The following DTNBP1 variants were observed in gnomAD, a reference collection of about 807,000 sequenced individuals.
The protein encoded by DTNBP1 is dysbindin.
In DTNBP1, 35 loss-of-function variants were observed where a neutral mutation model predicts 42.8. The observed-to-expected ratio is 0.82, with a 90% CI of 0.63 to 1.09. The LOEUF (loss-of-function observed/expected upper bound fraction) is 1.09, where lower values mean the gene tolerates loss of function less well. Ranked by LOEUF, DTNBP1 falls within the 50% of genes least tolerant of loss-of-function variation. The probability of loss-of-function intolerance (pLI) is 0.00; values close to 1 mark genes in which losing one functional copy is unlikely to be tolerated. For missense variants in DTNBP1, 457 were observed against 424.2 expected (o/e 1.08, Z -0.68); for synonymous variants, 171 against 162.2 (o/e 1.05, Z -0.41).
chr6:15,535,930 AT>A (rs1341229473), intron 7 of DTNBP1, among the ~76,000 whole-genome samples: 4 of 152,244 alleles, frequency 2.6e-5, no homozygotes, highest in African/African-American at 9.6e-5. Flanking sequence ...CACTCATGCT[AT>A]GCTTTAGCAG....
intron 8 of DTNBP1, among the ~76,000 whole-genome samples, chr6:15,531,165 G>A (rs894170220): frequency 1.3e-5 from 2 of 152,212 alleles, no homozygotes; most frequent in South Asian, 4.1e-4. Flanking sequence ...CCAGCATGCT[G>A]ATCTTGGATC....
chr6:15,583,615 T>C (rs976512756), intron 7 of DTNBP1, among the ~76,000 whole-genome samples: 2 of 152,228 alleles, frequency 1.3e-5, no homozygotes, highest in East Asian at 3.8e-4. Context: ...CAAAGATTTC[T>C]TTTTGTGGTT....
chr6:15,660,255 CAT>C (rs1240626387), intron 1 of DTNBP1: 55 of 852,556 alleles, frequency 6.5e-5, no homozygotes, highest in South Asian at 2.2e-4. Flanking sequence ...ATAATAAACA[CAT>C]GTGTGCTGTG....
At chr6:15,632,525 A>ACAAACTTACCATCTACCCAT (rs2113754530) in intron 4 of DTNBP1, among the ~76,000 whole-genome samples, 1 of 152,310 alleles carries the variant, frequency 6.6e-6, no homozygotes, top group East Asian at 1.9e-4. Context: ...ATCTACCCAA[A>ACAAACTTACCATCTACCCAT]ACAACTCGCA....
chr6:15,598,543 A>C (rs1221823487), intron 6 of DTNBP1, among the ~76,000 whole-genome samples: 2 of 152,170 alleles, frequency 1.3e-5, no homozygotes, highest in East Asian at 3.8e-4. Flanking sequence ...TGATGGACAG[A>C]ACCTATTACT....
chr6:15,610,693 T>C (rs1426087406), intron 6 of DTNBP1, among the ~76,000 whole-genome samples: 1 of 152,356 alleles, frequency 6.6e-6, no homozygotes, highest in South Asian at 2.1e-4. Flanking sequence ...GTATTGCTTA[T>C]ATGGAGAAAG....
In DTNBP1 at chr6:15,524,550, T is replaced by A; in HGVS notation, c.787A>T (p.Asn263Tyr). The A allele has an allele frequency of 1.9e-6, 3 of 1,609,828 alleles. No homozygotes were observed. Among genetic ancestry groups the A allele is most frequent in the Non-Finnish European group, 2.5e-6 (3 of 1,177,414 alleles). ...CCTAAGGCGGGGGACAGCACAGTGT[T>A]CTCTTCTCCTCCAGAGTTCAGGAAG... ...DVFLNSGGEE[N>Y]TVLSPALGPE... Residue 263 changes from asparagine (N) to tyrosine (Y), a missense_variant, in exon 9 of 10, where the codon AAC (asparagine) becomes TAC (tyrosine). By Grantham distance (143) the Asn-to-Tyr change is moderately radical (BLOSUM62 -2). Coordinates refer to ENST00000344537, the MANE Select transcript of DTNBP1 (RefSeq NM_032122.5).
At position 15,637,791 on chromosome 6, in the gene DTNBP1, A is replaced by G; in HGVS notation, c.175T>C (p.Trp59Arg). ...LELLSRYEDTWAALHRRAKDC... is the reference protein window; with the variant it reads ...LELLSRYEDTRAALHRRAKDC... The stretch of plus-strand genomic sequence containing the variant: ...TTGGCTCTTCTGTGAAGTGCAGCCC[A>G]TGTATCCTCATACCTAAAAAAAAGC... The change falls in exon 4 of 10, where the codon TGG (tryptophan) becomes CGG (arginine). Residue 59 changes from tryptophan to arginine, a missense_variant. Transcript: ENST00000344537. 6.2e-7 allele frequency: 1 copy of G among 1,613,494 alleles called. No individual in the cohort carries two copies. The highest frequency in any genetic ancestry group is 8.5e-7 in the Non-Finnish European group (1 of 1,180,004).
At chr6:15,581,746 T>G (rs1296601108) in intron 7 of DTNBP1, among the ~76,000 whole-genome samples, 2 of 152,208 alleles carry the variant, frequency 1.3e-5, no homozygotes, top group Non-Finnish European at 2.9e-5. Flanking sequence ...CCAAAAGTGT[T>G]GGGATTACAG....
At chr6:15,574,456 G>A (rs1015609152) in intron 7 of DTNBP1, among the ~76,000 whole-genome samples, 2 of 152,234 alleles carry the variant, frequency 1.3e-5, no homozygotes, top group Admixed American at 6.5e-5. Context: ...ACTATCACAC[G>A]AGGGAGCTGT....
rs1485955359 is a variant in DTNBP1, at chr6:15,663,010, G to C, written c.-141C>G. ...CGGCCCCGCCCCCGGTCTGGTCCTC[G>C]CCGCCGCGCCGCAACCCCAGCCCCT... is the stretch of plus-strand genomic sequence containing the variant. On this transcript the variant is annotated 5_prime_UTR_variant, in exon 1 of 10. Coordinates refer to ENST00000344537, the MANE Select transcript of DTNBP1 (RefSeq NM_032122.5). The C allele has an allele frequency of 1.2e-5, 14 of 1,202,478 alleles. No individual in the cohort carries two copies. The highest frequency in any genetic ancestry group is 4.7e-5 in the African/African-American group (3 of 64,268). 74.5% of individuals were successfully genotyped at this position (1,202,478 alleles called of 1,614,324 possible).
At chr6:15,550,769 A>G (rs1436443266) in intron 7 of DTNBP1, among the ~76,000 whole-genome samples, 2 of 152,138 alleles carry the variant, frequency 1.3e-5, no homozygotes, top group African/African-American at 4.8e-5. Context: ...AGCTAATGAG[A>G]TGGGGATGAG....
At chr6:15,615,008 G>A (rs571920932) in intron 6 of DTNBP1, 7 of 559,312 alleles carry the variant, frequency 1.3e-5, no homozygotes, top group Non-Finnish European at 2.0e-5. Context: ...TATTTTGCTG[G>A]AAAACTTTGC....
At chr6:15,629,800 T>C (rs957906330) in intron 4 of DTNBP1, among the ~76,000 whole-genome samples, 4 of 152,148 alleles carry the variant, frequency 2.6e-5, no homozygotes, top group African/African-American at 9.7e-5. Context: ...ACAGTGGACT[T>C]AGATTCCATC....
At chr6:15,576,012 G>A (rs752112110) in intron 7 of DTNBP1, among the ~76,000 whole-genome samples, 4 of 152,200 alleles carry the variant, frequency 2.6e-5, no homozygotes, top group Non-Finnish European at 4.4e-5. Flanking sequence ...GTCTACTATG[G>A]TAAAGAGCCT....
intron 7 of DTNBP1, among the ~76,000 whole-genome samples, chr6:15,549,491 TAAAAAAAAAAAAA>T (rs1171397685): frequency 2.6e-5 from 2 of 77,954 alleles, no homozygotes; most frequent in Non-Finnish European, 5.1e-5. Context: ...TCTCAGGGAT[TAAAAAAAAAAAAA>T]AAAAAAAAAA....
intron 7 of DTNBP1, chr6:15,545,933 G>A: frequency 2.7e-6 from 1 of 371,594 alleles, no homozygotes; most frequent in Admixed American, 3.6e-5. Context: ...GGGTCTGACT[G>A]CAGGGCCAGC....
intron 4 of DTNBP1, among the ~76,000 whole-genome samples, chr6:15,636,105 G>A (rs1038510182): frequency 4.6e-5 from 7 of 151,306 alleles, no homozygotes; most frequent in Admixed American, 3.3e-4. Context: ...TTCATCCATG[G>A]AGAATTTGCA....
chr6:15,550,313 AC>A (rs1334707848), intron 7 of DTNBP1, among the ~76,000 whole-genome samples: 1 of 152,074 alleles, frequency 6.6e-6, no homozygotes, highest in African/African-American at 2.4e-5. Context: ...GAATGGGTAT[AC>A]TTTTTTGGCA....
Sources: gnomAD v4.1 joint callset for allele counts (sites outside exome capture counted in the v4.1 genomes callset) on GRCh38, gnomAD v4.1.1 for gene constraint, MANE v1.5 for transcripts, NCBI Gene and HGNC (gene_info 2026-07-23, HGNC 2026-07-21) for gene names.